Variants in CHODL observed in about 807,000 individuals in gnomAD.
CHODL encodes the protein chondrolectin, also known as transmembrane protein MT75.
CHODL carries 29 observed loss-of-function variants against 34.5 expected under a neutral mutation model. The observed-to-expected ratio is 0.84, with a 90% CI of 0.63 to 1.15. The LOEUF is 1.15. Among genes scored for constraint, CHODL ranks in the 50% most tolerant of loss-of-function variants. The probability of loss-of-function intolerance (pLI) is 0.00; values close to 1 mark genes in which losing one functional copy is unlikely to be tolerated. For synonymous variants in CHODL, 125 were observed against 116.1 expected, an observed-to-expected ratio of 1.08 and a Z score of -0.49; for missense variants, 332 against 332.5, an observed-to-expected ratio of 1.00 and a Z score of 0.01.
At chr21:17,953,437 CG>C (rs1398105634) in intron 1 of CHODL, among the ~76,000 whole-genome samples, 2 of 151,390 alleles carry the variant, frequency 1.3e-5, no homozygotes, top group African/African-American at 4.9e-5. Flanking sequence ...ACTGCACTCC[CG>C]CCTGGGTGAC....
chr21:18,004,587 C>T (rs1600883098), intron 1 of CHODL, among the ~76,000 whole-genome samples: 3 of 152,282 alleles, frequency 2.0e-5, no homozygotes, highest in East Asian at 3.9e-4. Flanking sequence ...TACAGCTTAT[C>T]TTTTTGTTTG....
intron 2 of CHODL, among the ~76,000 whole-genome samples, chr21:18,181,548 G>A (rs1458619525): frequency 3.9e-5 from 6 of 152,176 alleles, no homozygotes; most frequent in African/African-American, 7.2e-5. Context: ...AACTACAGGC[G>A]CCCGCCACCA....
rs141507212 is a variant in CHODL, at chr21:18,167,806, T to C, written c.-44-88703T>C. ...CTGAGACCTGGTGTGATGGTTGATA[T>C]TGAGTGTCAACTTGATCAGATTGAA... On this transcript the variant is annotated intron_variant, in intron 2 of 6. Transcript: ENST00000400127. 1.9e-4 allele frequency among the ~76,000 whole-genome samples: 29 copies of C among 152,326 alleles called. 1 individual carries two copies. In the East Asian group the frequency reaches 4.6e-3, roughly 24 times the overall value.
chr21:18,207,659 C>CATTTTT (rs2073727015), intron 2 of CHODL, among the ~76,000 whole-genome samples: 1 of 55,952 alleles, frequency 1.8e-5, no homozygotes, highest in Non-Finnish European at 3.0e-5. Flanking sequence ...AATCTCTCAG[C>CATTTTT]TTTTTTTTTT....
At chr21:18,194,331 G>A (rs530864458) in intron 2 of CHODL, among the ~76,000 whole-genome samples, 1 of 152,120 alleles carries the variant, frequency 6.6e-6, no homozygotes, top group East Asian at 1.9e-4. Flanking sequence ...GCCCACATCT[G>A]TGGCTTCATC....
At chr21:18,067,979 T>A (rs1468780786) in intron 2 of CHODL, among the ~76,000 whole-genome samples, 1 of 152,196 alleles carries the variant, frequency 6.6e-6, no homozygotes, top group Admixed American at 6.5e-5. Flanking sequence ...CTCTGTTTTA[T>A]TTTTCCTTCC....
intron 1 of CHODL, among the ~76,000 whole-genome samples, chr21:17,957,459 T>C (rs377357386): frequency 7.2e-5 from 11 of 152,182 alleles, no homozygotes; most frequent in Non-Finnish European, 1.5e-4. Flanking sequence ...TTCTCCTCCA[T>C]GTTTTGTTCA....
chr21:18,020,053 A>C (rs1447947632), intron 1 of CHODL, among the ~76,000 whole-genome samples: 2 of 152,184 alleles, frequency 1.3e-5, no homozygotes, highest in Non-Finnish European at 2.9e-5. Context: ...GATGGCATTG[A>C]ATGATCCTTT....
chr21:18,124,184 G>GT (rs2065514589), intron 2 of CHODL, among the ~76,000 whole-genome samples: 1 of 152,194 alleles, frequency 6.6e-6, no homozygotes, highest in African/African-American at 2.4e-5. Context: ...CCTCTGGACT[G>GT]TAAGTATTTG....
chr21:18,210,060 G>T (rs1207525528), intron 2 of CHODL, among the ~76,000 whole-genome samples: 3 of 152,144 alleles, frequency 2.0e-5, no homozygotes, highest in African/African-American at 4.8e-5. Flanking sequence ...ACCAGGACTT[G>T]CCAGGAATTA....
intron 1 of CHODL, among the ~76,000 whole-genome samples, chr21:17,951,839 G>A (rs545732890): frequency 6.6e-6 from 1 of 152,258 alleles, no homozygotes; most frequent in East Asian, 1.9e-4. Context: ...TGAGCTGTGG[G>A]AAGTTACAAG....
intron 2 of CHODL, among the ~76,000 whole-genome samples, chr21:18,099,647 A>C (rs1391397158): frequency 2.6e-5 from 4 of 152,200 alleles, no homozygotes; most frequent in Admixed American, 2.0e-4. Context: ...GCTGGAAGCC[A>C]AGCAACAATT....
At chr21:17,977,468 C>T (rs1431609004) in intron 1 of CHODL, among the ~76,000 whole-genome samples, 2 of 150,068 alleles carry the variant, frequency 1.3e-5, no homozygotes, top group African/African-American at 2.4e-5. Context: ...GGAGTTCAAG[C>T]GATTCTCCTG....
intron 2 of CHODL, among the ~76,000 whole-genome samples, chr21:18,091,629 TAG>T (rs1182141872): frequency 5.3e-5 from 8 of 151,880 alleles, no homozygotes; most frequent in African/African-American, 1.9e-4. Flanking sequence ...CACAGTGAGG[TAG>T]AGAAACAAGC....
At chr21:18,049,726 A>G (rs2064489603) in intron 2 of CHODL, among the ~76,000 whole-genome samples, 1 of 151,944 alleles carries the variant, frequency 6.6e-6, no homozygotes, top group Non-Finnish European at 1.5e-5. Flanking sequence ...CTCCTCTTAT[A>G]AGAACATCAG....
At chr21:18,053,335 A>G (rs916676840) in intron 2 of CHODL, among the ~76,000 whole-genome samples, 1 of 151,946 alleles carries the variant, frequency 6.6e-6, no homozygotes, top group Non-Finnish European at 1.5e-5. Flanking sequence ...TTAAAGCACT[A>G]TTTATTGAAA....
chr21:18,047,684 C>A (rs2146463267), intron 2 of CHODL, among the ~76,000 whole-genome samples: 1 of 151,980 alleles, frequency 6.6e-6, no homozygotes, highest in Non-Finnish European at 1.5e-5. Flanking sequence ...CTTCTGATCT[C>A]ATTTTCATTG....
chr21:18,137,563 A>C (rs554413583), intron 2 of CHODL, among the ~76,000 whole-genome samples: 1 of 152,328 alleles, frequency 6.6e-6, no homozygotes, highest in East Asian at 1.9e-4. Flanking sequence ...CTGCAGAGCA[A>C]TATCACTCTC....
At chr21:17,929,102 A>G (rs1807608975) in intron 1 of CHODL, among the ~76,000 whole-genome samples, 1 of 152,196 alleles carries the variant, frequency 6.6e-6, no homozygotes, top group Admixed American at 6.5e-5. Context: ...AGTCAAGAAC[A>G]TTTTACTTGT....
Sources: allele counts gnomAD v4.1 joint callset (sites outside exome capture counted in the v4.1 genomes callset), GRCh38; gene constraint gnomAD v4.1.1; transcripts MANE v1.5; gene names NCBI Gene and HGNC (gene_info 2026-07-23, HGNC 2026-07-21).